CTNNA3: variants seen among roughly 807,000 people sequenced by gnomAD.
CTNNA3 encodes the protein catenin alpha 3, also known as catenin alpha-3.
CTNNA3 carries 76 observed loss-of-function variants against 95.7 expected under a neutral mutation model. The observed-to-expected ratio is 0.79, with a 90% CI of 0.66 to 0.96. The LOEUF is 0.96. Among genes scored for constraint, CTNNA3 ranks in the 40% least tolerant of loss-of-function variants. The probability of loss-of-function intolerance (pLI) is 0.00; values close to 1 mark genes in which losing one functional copy is unlikely to be tolerated. For missense variants in CTNNA3, 1,191 were observed against 1,089.8 expected (o/e 1.09, Z -1.31); for synonymous variants, 431 against 374.4 (o/e 1.15, Z -1.74).
At chr10:66,036,592 A>G (rs1453510423) in intron 15 of CTNNA3, among the ~76,000 whole-genome samples, 1 of 151,646 alleles carries the variant, frequency 6.6e-6, no homozygotes, top group Non-Finnish European at 1.5e-5. Flanking sequence ...GCCAGGCTGG[A>G]CTCAAACTCC....
At chr10:67,354,236 T>G (rs903200057) in intron 5 of CTNNA3, among the ~76,000 whole-genome samples, 1 of 152,036 alleles carries the variant, frequency 6.6e-6, no homozygotes, top group African/African-American at 2.4e-5. Flanking sequence ...GGAGATAAAT[T>G]GACCAACTGC....
intron 3 of CTNNA3, among the ~76,000 whole-genome samples, chr10:67,557,368 T>C (rs1270630955): frequency 2.6e-5 from 4 of 152,204 alleles, no homozygotes; most frequent in African/African-American, 9.7e-5. Context: ...ATCTGATGAT[T>C]TTTAACTTTC....
intron 5 of CTNNA3, among the ~76,000 whole-genome samples, chr10:67,502,300 G>A (rs1839259003): frequency 6.6e-6 from 1 of 152,142 alleles, no homozygotes; most frequent in Admixed American, 6.5e-5. Flanking sequence ...ACCAGCGGAG[G>A]CTGCAGAACA....
At chr10:67,113,330 T>C (rs1235504434) in intron 7 of CTNNA3, among the ~76,000 whole-genome samples, 1 of 152,166 alleles carries the variant, frequency 6.6e-6, no homozygotes, top group Non-Finnish European at 1.5e-5. Context: ...CATTATCTCA[T>C]CCCTGACTCA....
chr10:66,547,732 G>A (rs1294275715), intron 10 of CTNNA3, among the ~76,000 whole-genome samples: 1 of 151,908 alleles, frequency 6.6e-6, no homozygotes, highest in Non-Finnish European at 1.5e-5. Flanking sequence ...AAATTTATAG[G>A]TCAGCCTAAG....
At chr10:67,511,114 A>G (rs1192707168) in intron 5 of CTNNA3, among the ~76,000 whole-genome samples, 1 of 152,194 alleles carries the variant, frequency 6.6e-6, no homozygotes, top group Non-Finnish European at 1.5e-5. Context: ...GGGTTTTCTA[A>G]TAAACAATCA....
intron 12 of CTNNA3, among the ~76,000 whole-genome samples, chr10:66,335,992 C>A (rs937825849): frequency 1.3e-5 from 2 of 152,096 alleles, no homozygotes; most frequent in Non-Finnish European, 2.9e-5. Flanking sequence ...GCTGTGCTAG[C>A]AATGAGCGAG....
chr10:66,914,321 A>G (rs192560231), intron 7 of CTNNA3, among the ~76,000 whole-genome samples: 40 of 151,956 alleles, frequency 2.6e-4, no homozygotes, highest in Admixed American at 4.6e-4. Context: ...TAGTAGAGAC[A>G]GGGTTTCACC....
chr10:66,651,896 C>T (rs1333745251), intron 9 of CTNNA3, among the ~76,000 whole-genome samples: 1 of 151,720 alleles, frequency 6.6e-6, no homozygotes, highest in Non-Finnish European at 1.5e-5. Context: ...TCCCACAGTG[C>T]AACGGCTAAA....
intron 5 of CTNNA3, among the ~76,000 whole-genome samples, chr10:67,325,271 C>T (rs1287549567): frequency 6.6e-6 from 1 of 152,078 alleles, no homozygotes; most frequent in African/African-American, 2.4e-5. Flanking sequence ...TTATCTTCTG[C>T]TAGCTTTGGG....
intron 9 of CTNNA3, among the ~76,000 whole-genome samples, chr10:66,706,691 C>T (rs1364770597): frequency 6.6e-6 from 1 of 151,820 alleles, no homozygotes; most frequent in African/African-American, 2.4e-5. Flanking sequence ...AATCCTTTAC[C>T]CTAAAAATTA....
chr10:66,176,890 C>G (rs942634563), intron 13 of CTNNA3, among the ~76,000 whole-genome samples: 1 of 151,984 alleles, frequency 6.6e-6, no homozygotes, highest in Non-Finnish European at 1.5e-5. Flanking sequence ...AAACCCTGTT[C>G]TGACCTCATG....
Position 66,704,934 on chromosome 10 carries a change from T to C in CTNNA3, c.1281+61330A>G, listed in dbSNP as rs900729181. ...TCCTTAGTGCACTGGCTATAGCATC[T>C]GGTATAATGCTGAACAGAAGTGGTA... On this transcript the variant is annotated intron_variant, in intron 9 of 17. Transcript: ENST00000433211. Among the ~76,000 whole-genome samples, 6 of 152,162 alleles carry C rather than the reference T, an allele frequency of 3.9e-5. No individual in the cohort carries two copies. In the East Asian group the frequency reaches 7.7e-4, roughly 20 times the overall value.
chr10:67,301,355 G>A (rs1011472895), intron 5 of CTNNA3, among the ~76,000 whole-genome samples: 6 of 152,044 alleles, frequency 3.9e-5, no homozygotes, highest in African/African-American at 1.4e-4. Context: ...TGGAAGATAA[G>A]TATAGGAGAG....
At chr10:67,612,028 A>G (rs948467052) in intron 2 of CTNNA3, among the ~76,000 whole-genome samples, 1 of 152,226 alleles carries the variant, frequency 6.6e-6, no homozygotes, top group South Asian at 2.1e-4. Flanking sequence ...CCCTTCTTCA[A>G]GTCATTGATA....
intron 9 of CTNNA3, among the ~76,000 whole-genome samples, chr10:66,671,796 C>T (rs902479127): frequency 8.5e-5 from 13 of 152,146 alleles, no homozygotes; most frequent in African/African-American, 3.1e-4. Context: ...TATTCAGCCT[C>T]TCTATGCCTC....
At chr10:67,411,441 C>T (rs1304160230) in intron 5 of CTNNA3, among the ~76,000 whole-genome samples, 1 of 152,048 alleles carries the variant, frequency 6.6e-6, no homozygotes, top group Non-Finnish European at 1.5e-5. Flanking sequence ...TGACTCAATT[C>T]CTTTTTATGG....
At chr10:67,515,962 T>A (rs565886639) in intron 5 of CTNNA3, among the ~76,000 whole-genome samples, 2 of 152,144 alleles carry the variant, frequency 1.3e-5, no homozygotes, top group African/African-American at 4.8e-5. Flanking sequence ...TTTTATTTTA[T>A]TGATTTATTT....
chr10:67,700,745 C>T (rs922309320), upstream of CTNNA3, among the ~76,000 whole-genome samples: 6 of 152,192 alleles, frequency 3.9e-5, no homozygotes, highest in African/African-American at 1.4e-4. Context: ...GAACGCAGCT[C>T]CTCACCAGCA....
Sources: allele counts gnomAD v4.1 joint callset (sites outside exome capture counted in the v4.1 genomes callset), GRCh38; gene constraint gnomAD v4.1.1; transcripts MANE v1.5; gene names NCBI Gene and HGNC (gene_info 2026-07-23, HGNC 2026-07-21).